NELL1: variants seen among roughly 807,000 people sequenced by gnomAD.
NELL1 encodes neural EGFL like 1, also known as protein kinase C-binding protein NELL1.
A neutral mutation model predicts 107.4 loss-of-function variants in NELL1; 76 were observed. That is an observed-to-expected ratio of 0.71 (90% confidence interval 0.59 to 0.86). NELL1 has a LOEUF of 0.86. Ranked by LOEUF, NELL1 falls within the 40% of genes least tolerant of loss-of-function variation. The probability of loss-of-function intolerance (pLI) is 0.00; values close to 1 mark genes in which losing one functional copy is unlikely to be tolerated. For synonymous variants in NELL1, 353 were observed against 341.2 expected, an observed-to-expected ratio of 1.03 and a Z score of -0.38; for missense variants, 1,024 against 1,005.5, an observed-to-expected ratio of 1.02 and a Z score of -0.25.
intron 15 of NELL1, among the ~76,000 whole-genome samples, chr11:21,492,531 T>A (rs1219022623): frequency 1.3e-5 from 2 of 151,396 alleles, no homozygotes; most frequent in Admixed American, 6.6e-5. Context: ...ATTAAGAAAA[T>A]GTGGCACATA....
intron 17 of NELL1, among the ~76,000 whole-genome samples, chr11:21,568,207 T>C (rs576277089): frequency 2.6e-5 from 4 of 151,962 alleles, no homozygotes; most frequent in African/African-American, 4.8e-5. Flanking sequence ...TTGTAGGCAA[T>C]TGTAACACAG....
chr11:21,076,683 C>A (rs1032543599), intron 12 of NELL1, among the ~76,000 whole-genome samples: 2 of 152,104 alleles, frequency 1.3e-5, no homozygotes, highest in African/African-American at 4.8e-5. Context: ...GAGGTAGGGC[C>A]TAATTGGAGG....
intron 14 of NELL1, among the ~76,000 whole-genome samples, chr11:21,257,719 A>G (rs954266074): frequency 6.6e-6 from 1 of 151,942 alleles, no homozygotes; most frequent in Admixed American, 6.6e-5. Flanking sequence ...GAAAGAAGCA[A>G]TAGTACAGTG....
intron 12 of NELL1, among the ~76,000 whole-genome samples, chr11:21,014,039 A>G (rs1852510687): frequency 6.6e-6 from 1 of 152,136 alleles, no homozygotes; most frequent in Non-Finnish European, 1.5e-5. Context: ...ACTTAGGGTT[A>G]TAATACAATA....
chr11:21,471,059 C>A (rs999998968), intron 15 of NELL1, among the ~76,000 whole-genome samples: 3 of 152,096 alleles, frequency 2.0e-5, no homozygotes. Flanking sequence ...AAGACCACAG[C>A]ATGTCTGCTT....
chr11:20,701,824 T>A (rs1043769640), intron 2 of NELL1, among the ~76,000 whole-genome samples: 1 of 152,152 alleles, frequency 6.6e-6, no homozygotes, highest in Non-Finnish European at 1.5e-5. Context: ...GTTGTAGATG[T>A]GCGGTATTAT....
intron 13 of NELL1, among the ~76,000 whole-genome samples, chr11:21,227,115 G>A (rs1857914337): frequency 6.6e-6 from 1 of 152,156 alleles, no homozygotes; most frequent in South Asian, 2.1e-4. Context: ...CTCTAATTGA[G>A]AAACCTTGAT....
intron 15 of NELL1, among the ~76,000 whole-genome samples, chr11:21,372,097 CAAAT>C (rs1851369452): frequency 6.6e-6 from 1 of 151,780 alleles, no homozygotes. Context: ...AAAAATATAA[CAAAT>C]AATAACTGTT....
At chr11:21,448,157 G>C (rs969267925) in intron 15 of NELL1, among the ~76,000 whole-genome samples, 5 of 152,124 alleles carry the variant, frequency 3.3e-5, no homozygotes, top group African/African-American at 1.2e-4. Context: ...GTTAAAATCA[G>C]GTACTGTGAT....
At chr11:20,680,197 A>G (rs1854155766) in intron 2 of NELL1, among the ~76,000 whole-genome samples, 2 of 152,110 alleles carry the variant, frequency 1.3e-5, no homozygotes, top group Non-Finnish European at 2.9e-5. Context: ...CTGTCATGTA[A>G]GGTAACATAA....
intron 15 of NELL1, among the ~76,000 whole-genome samples, chr11:21,515,383 A>G (rs1474304948): frequency 6.6e-6 from 1 of 152,190 alleles, no homozygotes; most frequent in Non-Finnish European, 1.5e-5. Context: ...CATCAACTAG[A>G]ATCAAATCCC....
intron 3 of NELL1, among the ~76,000 whole-genome samples, chr11:20,839,092 T>C (rs1422629676): frequency 6.6e-6 from 1 of 152,194 alleles, no homozygotes; most frequent in Non-Finnish European, 1.5e-5. Flanking sequence ...GCCACTAATT[T>C]TATTTTTCTA....
intron 4 of NELL1, among the ~76,000 whole-genome samples, chr11:20,848,574 G>T (rs979866715): frequency 1.3e-5 from 2 of 152,056 alleles, no homozygotes; most frequent in Non-Finnish European, 2.9e-5. Context: ...ATTCTGAGCA[G>T]TGCCCATGCA....
intron 14 of NELL1, among the ~76,000 whole-genome samples, chr11:21,350,800 ATAAATGT>A (rs1850792451): frequency 6.6e-6 from 1 of 152,170 alleles, no homozygotes; most frequent in Admixed American, 6.5e-5. Flanking sequence ...GGACAGTTTG[ATAAATGT>A]TATATGAGTA....
intron 16 of NELL1, among the ~76,000 whole-genome samples, chr11:21,551,165 T>C (rs1463570210): frequency 6.6e-6 from 1 of 151,948 alleles, no homozygotes; most frequent in Non-Finnish European, 1.5e-5. Context: ...TGTATAAGAA[T>C]GCTTGTGATT....
chr11:20,721,217 TTATA>T (rs1564879287), intron 2 of NELL1, among the ~76,000 whole-genome samples: 1 of 111,200 alleles, frequency 9.0e-6, no homozygotes. Flanking sequence ...TATATTTTGT[TTATA>T]TATATATTTT....
At chr11:20,753,784 C>G (rs1377652084) in intron 2 of NELL1, among the ~76,000 whole-genome samples, 1 of 152,186 alleles carries the variant, frequency 6.6e-6, no homozygotes, top group Non-Finnish European at 1.5e-5. Flanking sequence ...CTGTCTTGGG[C>G]TGGCTATATT....
intron 10 of NELL1, among the ~76,000 whole-genome samples, chr11:20,944,437 T>C (rs1850922371): frequency 6.6e-6 from 1 of 152,206 alleles, no homozygotes; most frequent in African/African-American, 2.4e-5. Flanking sequence ...AATTTTTTAC[T>C]TGAAGTTGTA....
intron 2 of NELL1, among the ~76,000 whole-genome samples, chr11:20,719,219 T>G (rs1010414378): frequency 6.6e-6 from 1 of 152,216 alleles, no homozygotes; most frequent in Non-Finnish European, 1.5e-5. Flanking sequence ...TTCTGGCCTT[T>G]CTCTAGGGAG....
Sources: gnomAD v4.1 joint callset for allele counts (sites outside exome capture counted in the v4.1 genomes callset) on GRCh38, gnomAD v4.1.1 for gene constraint, MANE v1.5 for transcripts, NCBI Gene and HGNC (gene_info 2026-07-23, HGNC 2026-07-21) for gene names.